The following CEP57L1 variants were observed in gnomAD, a reference collection of about 807,000 sequenced individuals.
CEP57L1 encodes centrosomal protein CEP57L1.
A neutral mutation model predicts 61.0 loss-of-function variants in CEP57L1; 37 were observed. The observed-to-expected ratio is 0.61, with a 90% confidence interval of 0.47 to 0.80. The LOEUF (loss-of-function observed/expected upper bound fraction) is 0.80. CEP57L1 is among the 30% of genes least tolerant of loss of function. CEP57L1 has a pLI of 0.00. For missense variants in CEP57L1, 422 were observed against 524.7 expected, an observed-to-expected ratio of 0.80 and a Z score of 1.91; for synonymous variants, 137 against 162.3, an observed-to-expected ratio of 0.84 and a Z score of 1.19.
chr6:109,155,893 T>G lies in CEP57L1; in HGVS notation c.744+16T>G. On this transcript the variant is annotated intron_variant, in intron 7 of 10. Coordinates refer to ENST00000517392, the MANE Select transcript of CEP57L1 (RefSeq NM_001271852.3). ...ATCTTCAAAGGTGTGCATATAAAATTTTTTCCCAAACAAAAATACTGCTAA... is the reference window on the plus strand; with the variant it reads ...ATCTTCAAAGGTGTGCATATAAAATGTTTTCCCAAACAAAAATACTGCTAA... 1 of 1,416,676 alleles carries G rather than the reference T, an allele frequency of 7.1e-7. No homozygotes were observed. Among genetic ancestry groups the G allele is most frequent in the Non-Finnish European group, 9.8e-7 (1 of 1,015,618 alleles). The allele number at this position is 1,416,676 out of a possible 1,614,324, so 87.8% of individuals were successfully genotyped here.
chr6:109,104,164 A>T (rs1459203354), intron 1 of CEP57L1, among the ~76,000 whole-genome samples: 1 of 149,252 alleles, frequency 6.7e-6, no homozygotes, highest in Non-Finnish European at 1.5e-5. Context: ...TCTGTAACTT[A>T]CTTTCTGTTT....
At chr6:109,157,538 G>A (rs1464143255) in intron 7 of CEP57L1, 1 of 152,174 alleles carries the variant, frequency 6.6e-6, no homozygotes, top group Non-Finnish European at 1.5e-5. Context: ...ATTAAAGGAA[G>A]CCTTGAAGAA....
chr6:109,146,958 C>T, intron 3 of CEP57L1, 21 bp downstream of exon 3: 1 of 1,586,424 alleles, frequency 6.3e-7, no homozygotes, highest in Non-Finnish European at 8.6e-7. Context: ...CAGTAGTTCT[C>T]AGAAACCGGG....
intron 1 of CEP57L1, among the ~76,000 whole-genome samples, chr6:109,111,786 G>T (rs1278519945): frequency 2.6e-5 from 4 of 152,048 alleles, no homozygotes; most frequent in African/African-American, 7.2e-5. Context: ...ATAATCATGG[G>T]TTTTTTTGTC....
intron 1 of CEP57L1, among the ~76,000 whole-genome samples, chr6:109,134,044 C>A (rs1774513513): frequency 6.6e-6 from 1 of 152,278 alleles, no homozygotes; most frequent in African/African-American, 2.4e-5. Flanking sequence ...AACAGGGAAT[C>A]CTCCCTAACT....
chr6:109,159,358 C>G lies in CEP57L1; in HGVS notation c.912C>G (p.Ser304=). 6.2e-7 allele frequency: 1 copy of G among 1,614,082 alleles called. No individual in the cohort carries two copies. The highest frequency in any genetic ancestry group is 8.5e-7 in the Non-Finnish European group (1 of 1,179,972). Residue 304 remains serine (S), a synonymous_variant, in exon 9 of 11, where the codon TCC becomes TCG. Coordinates refer to ENST00000517392, the MANE Select transcript of CEP57L1 (RefSeq NM_001271852.3). The part of the protein sequence containing the change: ...RCLPKPSRTT[S]WCKAIPPDSE... ...TCCCCAAGCCTTCTAGAACAACTTC[C>G]TGGTGTAAAGCTATTCCTCCTGACT...
At chr6:109,144,462 G>A (rs1365014647) in intron 1 of CEP57L1, among the ~76,000 whole-genome samples, 1 of 151,932 alleles carries the variant, frequency 6.6e-6, no homozygotes. Context: ...ACATTGACTG[G>A]AATCTATTAA....
At chr6:109,122,828 C>T (rs1250065656) in intron 1 of CEP57L1, among the ~76,000 whole-genome samples, 1 of 152,020 alleles carries the variant, frequency 6.6e-6, no homozygotes, top group Non-Finnish European at 1.5e-5. Context: ...AAAGACTCAT[C>T]AGACACTTAC....
chr6:109,155,133 T>C (rs1773084200), intron 5 of CEP57L1, 97 bp from the exon 6 acceptor site: 3 of 566,070 alleles, frequency 5.3e-6, no homozygotes, highest in Non-Finnish European at 8.9e-6. Flanking sequence ...GCCAAACTCT[T>C]AAGAATCAAG....
intron 1 of CEP57L1, among the ~76,000 whole-genome samples, chr6:109,120,912 G>GCACA (rs71747421): frequency 2.1e-3 from 284 of 133,538 alleles, no homozygotes; most frequent in African/African-American, 3.2e-3. Context: ...TTAGACACAC[G>GCACA]CACACACACA....
intron 1 of CEP57L1, among the ~76,000 whole-genome samples, chr6:109,137,747 G>C (rs1436084051): frequency 6.6e-6 from 1 of 152,224 alleles, no homozygotes; most frequent in Non-Finnish European, 1.5e-5. Context: ...TATGGATAGA[G>C]TGGGGAACAA....
chr6:109,104,757 A>AT (rs933826483), intron 1 of CEP57L1, among the ~76,000 whole-genome samples: 14 of 149,824 alleles, frequency 9.3e-5, no homozygotes, highest in Admixed American at 2.0e-4. Context: ...TAATTAAAAA[A>AT]TTTTTTTTTT....
chr6:109,104,652 G>A (rs1024467512), intron 1 of CEP57L1, among the ~76,000 whole-genome samples: 1 of 152,110 alleles, frequency 6.6e-6, no homozygotes, highest in Admixed American at 6.5e-5. Flanking sequence ...CACAATCACA[G>A]CCCACTGCAA....
At position 109,121,048 on chromosome 6, in the gene CEP57L1, G is replaced by C. The variant is rs796959131; in HGVS notation, c.-3-24171G>C. Reference sequence around the variant, plus strand: ...CTCTAGTGGGGTGTGGCAAGGATGAGAGTCAGATTAGAATTTTTATATCAT... The same window carrying C: ...CTCTAGTGGGGTGTGGCAAGGATGACAGTCAGATTAGAATTTTTATATCAT... On this transcript the variant is annotated intron_variant, in intron 1 of 10. Coordinates refer to ENST00000517392, the MANE Select transcript of CEP57L1 (RefSeq NM_001271852.3). 4.6e-5 allele frequency among the ~76,000 whole-genome samples: 7 copies of C among 152,196 alleles called. 1 individual carries two copies. Among genetic ancestry groups the C allele is most frequent in the African/African-American group, 1.7e-4 (7 of 41,522 alleles).
At chr6:109,147,920 A>G (rs1171104585) in intron 3 of CEP57L1, among the ~76,000 whole-genome samples, 1 of 152,078 alleles carries the variant, frequency 6.6e-6, no homozygotes, top group East Asian at 1.9e-4. Flanking sequence ...ACAATATTAA[A>G]CCAGTTCTGT....
At chr6:109,161,507 C>T (rs890912021) in intron 10 of CEP57L1, among the ~76,000 whole-genome samples, 3 of 151,978 alleles carry the variant, frequency 2.0e-5, no homozygotes, top group Admixed American at 6.6e-5. Context: ...TAAGCCTCCC[C>T]GCGTTTTATA....
In CEP57L1 at chr6:109,172,406, A is replaced by C. The variant is rs1467191076; in HGVS notation, c.*9436A>C. Reference sequence around the variant, plus strand: ...GCCTAAGGACTTCACCATTAATCACATTGTTAGCTTAGACTACCTGGTATG... The same window carrying C: ...GCCTAAGGACTTCACCATTAATCACCTTGTTAGCTTAGACTACCTGGTATG... On this transcript the variant is annotated 3_prime_UTR_variant, in exon 11 of 11. Transcript: ENST00000517392. Among the ~76,000 whole-genome samples the C allele has an allele frequency of 1.3e-5, 2 of 152,164 alleles. No individual in the cohort carries two copies. Among genetic ancestry groups the C allele is most frequent in the African/African-American group, 4.8e-5 (2 of 41,434 alleles).
At position 109,121,918 on chromosome 6, in the gene CEP57L1, A is replaced by G. The variant is rs1017948555; in HGVS notation, c.-3-23301A>G. ...ATAAAGTACATTTGAGAACCCGAAA[A>G]TAACCCCACTGCCAAAGATTCTGAG... On this transcript the variant is annotated intron_variant, in intron 1 of 10. Transcript: ENST00000517392. Among the ~76,000 whole-genome samples the G allele has an allele frequency of 4.6e-5, 7 of 152,358 alleles. No homozygotes were observed. In the East Asian group the frequency reaches 1.3e-3, roughly 29 times the overall value.
rs1299370901 is a variant in CEP57L1, at chr6:109,164,674, G to C, written c.*1704G>C. On this transcript the variant is annotated 3_prime_UTR_variant, in exon 11 of 11. Coordinates refer to ENST00000517392, the MANE Select transcript of CEP57L1 (RefSeq NM_001271852.3). The stretch of plus-strand genomic sequence containing the variant: ...TGCTATCCACCAGGACCATAATGCA[G>C]ACCTATAGTTCTGTGCCTTTGTTTT... Among the ~76,000 whole-genome samples, 1 of 152,104 alleles carries C rather than the reference G, an allele frequency of 6.6e-6. No individual in the cohort carries two copies. Among genetic ancestry groups the C allele is most frequent in the South Asian group, 2.1e-4 (1 of 4,828 alleles).
Sources: allele counts gnomAD v4.1 joint callset (sites outside exome capture counted in the v4.1 genomes callset), GRCh38; gene constraint gnomAD v4.1.1; transcripts MANE v1.5; gene names NCBI Gene and HGNC (gene_info 2026-07-23, HGNC 2026-07-21).